Variants in NAALADL2 observed in about 807,000 individuals in gnomAD.
The protein encoded by NAALADL2 is N-acetylated alpha-linked acidic dipeptidase like 2.
A neutral mutation model predicts 87.2 loss-of-function variants in NAALADL2; 76 were observed. That is an observed-to-expected ratio of 0.87 (90% CI 0.72 to 1.05). The LOEUF (loss-of-function observed/expected upper bound fraction) is 1.05, where lower values mean the gene tolerates loss of function less well. Among genes scored for constraint, NAALADL2 ranks in the 50% least tolerant of loss-of-function variants. NAALADL2 has a pLI of 0.00. For missense variants in NAALADL2, 1,089 were observed against 945.8 expected (o/e 1.15, Z -1.99); for synonymous variants, 354 against 331.0 (o/e 1.07, Z -0.75).
chr3:175,741,259 A>C (rs533920749), intron 12 of NAALADL2, among the ~76,000 whole-genome samples: 12 of 152,314 alleles, frequency 7.9e-5, no homozygotes, highest in African/African-American at 2.9e-4. Context: ...CCCGGTTCAA[A>C]GATGGCCATC....
At chr3:175,121,886 G>T (rs913509636) in intron 2 of NAALADL2, among the ~76,000 whole-genome samples, 1 of 151,770 alleles carries the variant, frequency 6.6e-6, no homozygotes, top group Non-Finnish European at 1.5e-5. Flanking sequence ...TTATATAAAA[G>T]ACAGGACAAG....
chr3:175,742,461 G>T (rs895529631), intron 12 of NAALADL2, among the ~76,000 whole-genome samples: 5 of 141,118 alleles, frequency 3.5e-5, no homozygotes, highest in African/African-American at 1.1e-4. Flanking sequence ...GCAGTGGCGC[G>T]ATCTTGGCTC....
chr3:174,493,691 A>G (rs919182051), intron 1 of NAALADL2, among the ~76,000 whole-genome samples: 1 of 152,174 alleles, frequency 6.6e-6, no homozygotes, highest in African/African-American at 2.4e-5. Flanking sequence ...GATTGAACCA[A>G]TTACATATAC....
At chr3:175,440,644 C>T (rs1719569733) in intron 5 of NAALADL2, among the ~76,000 whole-genome samples, 1 of 152,050 alleles carries the variant, frequency 6.6e-6, no homozygotes, top group Admixed American at 6.6e-5. Flanking sequence ...TGTTTCGCAG[C>T]TATTGTAAAG....
At chr3:175,669,129 A>G (rs978410893) in intron 11 of NAALADL2, among the ~76,000 whole-genome samples, 5 of 152,118 alleles carry the variant, frequency 3.3e-5, no homozygotes, top group African/African-American at 1.2e-4. Flanking sequence ...CCATAATACT[A>G]TTCTAATTTC....
chr3:175,703,318 C>G (rs1739233783), intron 11 of NAALADL2, among the ~76,000 whole-genome samples: 1 of 152,160 alleles, frequency 6.6e-6, no homozygotes, highest in Non-Finnish European at 1.5e-5. Flanking sequence ...ATCAAACTGT[C>G]TAGGGATTCC....
intron 10 of NAALADL2, among the ~76,000 whole-genome samples, chr3:175,623,327 T>G (rs1582666138): frequency 9.2e-6 from 1 of 108,794 alleles, no homozygotes; most frequent in East Asian, 3.2e-4. Context: ...GTAAAATACT[T>G]CCATTTTATA....
chr3:175,091,513 G>A (rs1720115954), intron 1 of NAALADL2, among the ~76,000 whole-genome samples: 1 of 151,968 alleles, frequency 6.6e-6, no homozygotes, highest in Non-Finnish European at 1.5e-5. Context: ...ACTTTTACAA[G>A]TAGGAAAGCC....
intron 3 of NAALADL2, among the ~76,000 whole-genome samples, chr3:174,777,547 T>C (rs575414841): frequency 6.6e-6 from 1 of 152,100 alleles, no homozygotes; most frequent in Non-Finnish European, 1.5e-5. Context: ...TAGAGGGGGA[T>C]AAACAAAAGT....
intron 2 of NAALADL2, among the ~76,000 whole-genome samples, chr3:174,714,900 T>C (rs1336263432): frequency 6.6e-6 from 1 of 152,142 alleles, no homozygotes; most frequent in Non-Finnish European, 1.5e-5. Flanking sequence ...ATGCTTCCAG[T>C]TTTTGCCCAT....
intron 3 of NAALADL2, among the ~76,000 whole-genome samples, chr3:175,248,404 T>G (rs373154546): frequency 1.3e-5 from 2 of 152,208 alleles, no homozygotes; most frequent in Non-Finnish European, 2.9e-5. Flanking sequence ...GTGGTAGTTC[T>G]GGATCACTCA....
intron 4 of NAALADL2, among the ~76,000 whole-genome samples, chr3:175,275,541 T>A (rs1446858544): frequency 6.6e-6 from 1 of 152,152 alleles, no homozygotes; most frequent in Non-Finnish European, 1.5e-5. Flanking sequence ...TGTGTATTTT[T>A]AACAACCATT....
At chr3:175,524,525 T>C (rs1453016589) in intron 9 of NAALADL2, among the ~76,000 whole-genome samples, 3 of 152,144 alleles carry the variant, frequency 2.0e-5, no homozygotes, top group Admixed American at 2.0e-4. Context: ...AATGCTAACA[T>C]CTAAGTAGTA....
intron 5 of NAALADL2, among the ~76,000 whole-genome samples, chr3:175,442,112 T>C (rs1719877071): frequency 6.6e-6 from 1 of 152,012 alleles, no homozygotes; most frequent in Non-Finnish European, 1.5e-5. Flanking sequence ...GCCCAGCTAA[T>C]TTTTGTAATT....
At chr3:175,353,627 T>A (rs1461064381) in intron 5 of NAALADL2, among the ~76,000 whole-genome samples, 1 of 152,218 alleles carries the variant, frequency 6.6e-6, no homozygotes, top group Non-Finnish European at 1.5e-5. Flanking sequence ...TACTATCATT[T>A]TGAGTTTCAA....
intron 2 of NAALADL2, among the ~76,000 whole-genome samples, chr3:174,729,093 T>G (rs143031893): frequency 6.6e-6 from 1 of 151,988 alleles, no homozygotes; most frequent in African/African-American, 2.4e-5. Context: ...AACTAACTTA[T>G]TTTTAGAGTG....
chr3:175,607,863 A>C (rs1209193117), intron 10 of NAALADL2, among the ~76,000 whole-genome samples: 1 of 151,842 alleles, frequency 6.6e-6, no homozygotes, highest in Non-Finnish European at 1.5e-5. Context: ...GGAATGAGAA[A>C]CAATGGGTTA....
intron 1 of NAALADL2, among the ~76,000 whole-genome samples, chr3:174,895,236 CAAAG>C (rs1731361627): frequency 2.0e-5 from 3 of 150,956 alleles, no homozygotes; most frequent in African/African-American, 7.3e-5. Context: ...ATCAATGAAA[CAAAG>C]AGTTGGTTTT....
intron 5 of NAALADL2, among the ~76,000 whole-genome samples, chr3:175,390,545 G>T (rs1768947024): frequency 1.3e-5 from 2 of 152,132 alleles, no homozygotes; most frequent in Non-Finnish European, 1.5e-5. Context: ...GGGGAAAATG[G>T]TTTTGAGCTT....
Sources: gnomAD v4.1 joint callset for allele counts (sites outside exome capture counted in the v4.1 genomes callset) on GRCh38, gnomAD v4.1.1 for gene constraint, MANE v1.5 for transcripts, NCBI Gene and HGNC (gene_info 2026-07-23, HGNC 2026-07-21) for gene names.